The following PTPRD variants were observed in gnomAD, a reference collection of about 807,000 sequenced individuals.
The protein encoded by PTPRD is protein tyrosine phosphatase receptor type D, also known as receptor-type tyrosine-protein phosphatase delta.
Under a neutral mutation model 214.5 loss-of-function variants are expected in PTPRD, and 34 were observed. The ratio of observed to expected loss-of-function variants is 0.16; its 90% confidence interval spans 0.12 to 0.21. The LOEUF (loss-of-function observed/expected upper bound fraction) is 0.21, where lower values mean the gene tolerates loss of function less well. Among genes scored for constraint, PTPRD ranks in the 10% least tolerant of loss-of-function variants. The probability of loss-of-function intolerance (pLI) is 1.00; values close to 1 mark genes in which losing one functional copy is unlikely to be tolerated. For synonymous variants in PTPRD, 1,128 were observed against 845.7 expected (o/e 1.33, Z -5.79); for missense variants, 2,545 against 2,398.7 (o/e 1.06, Z -1.27).
intron 8 of PTPRD, among the ~76,000 whole-genome samples, chr9:9,451,666 T>G (rs1296610060): frequency 6.6e-6 from 1 of 151,560 alleles, no homozygotes; most frequent in East Asian, 1.9e-4. Context: ...ATATAAAAAT[T>G]AACAACCAAA....
chr9:10,207,120 C>T (rs2099486902), intron 3 of PTPRD, among the ~76,000 whole-genome samples: 1 of 152,014 alleles, frequency 6.6e-6, no homozygotes, highest in South Asian at 2.1e-4. Context: ...ATAGAATATA[C>T]CCAGCATCCC....
chr9:8,599,719 C>G (rs1017944408), intron 14 of PTPRD, among the ~76,000 whole-genome samples: 2 of 148,776 alleles, frequency 1.3e-5, no homozygotes, highest in Non-Finnish European at 3.0e-5. Context: ...TGGGTTGAAG[C>G]GATTCTCCTG....
rs929402509 is a variant in PTPRD, at chr9:8,535,472, T to C, written c.353-6693A>G. Among the ~76,000 whole-genome samples, 5 of 152,062 alleles carry C rather than the reference T, an allele frequency of 3.3e-5. No individual in the cohort carries two copies. The South Asian group carries it at 8.3e-4, about 25-fold the overall frequency. On this transcript the variant is annotated intron_variant, in intron 14 of 45. Transcript: ENST00000381196. ...AATAAATAAAATCCATATTGTCAGA[T>C]GATTTGTTCCTAAAAATGAATTTTA...
chr9:9,943,887 C>G (rs2092105707), intron 4 of PTPRD, among the ~76,000 whole-genome samples: 1 of 152,160 alleles, frequency 6.6e-6, no homozygotes, highest in South Asian at 2.1e-4. Context: ...TCATCCCAAT[C>G]TGCAAATTGC....
chr9:8,842,094 G>GA (rs1457796059), intron 11 of PTPRD, among the ~76,000 whole-genome samples: 2 of 150,346 alleles, frequency 1.3e-5, no homozygotes, highest in Non-Finnish European at 3.0e-5. Flanking sequence ...CAATGAGAAT[G>GA]AAAAAACAAC....
intron 3 of PTPRD, among the ~76,000 whole-genome samples, chr9:10,035,502 T>C (rs1393443595): frequency 1.3e-5 from 2 of 152,198 alleles, no homozygotes; most frequent in African/African-American, 4.8e-5. Context: ...CATGAAATCT[T>C]TGCCCACGCC....
At chr9:10,254,203 G>T (rs189423751) in intron 3 of PTPRD, among the ~76,000 whole-genome samples, 5 of 152,172 alleles carry the variant, frequency 3.3e-5, no homozygotes, top group Admixed American at 3.3e-4. Flanking sequence ...GATATTTATT[G>T]TAAGTTGGCA....
intron 2 of PTPRD, among the ~76,000 whole-genome samples, chr9:10,401,993 C>T (rs994980451): frequency 6.6e-6 from 1 of 151,060 alleles, no homozygotes; most frequent in African/African-American, 2.4e-5. Context: ...GAATAAAACA[C>T]CCTATAAGAA....
At chr9:9,674,588 G>A (rs1379681658) in intron 7 of PTPRD, among the ~76,000 whole-genome samples, 1 of 151,576 alleles carries the variant, frequency 6.6e-6, no homozygotes, top group Non-Finnish European at 1.5e-5. Flanking sequence ...TAAGAAAAGA[G>A]AAAGATTAAA....
At chr9:9,782,146 G>T (rs556980182) in intron 5 of PTPRD, among the ~76,000 whole-genome samples, 33 of 152,132 alleles carry the variant, frequency 2.2e-4, no homozygotes, top group African/African-American at 7.2e-4. Context: ...CCCGGTGGTT[G>T]CTTGGTTTCT....
intron 13 of PTPRD, 114 bp from the exon 14 acceptor site, chr9:8,633,572 T>C (rs1412029361): frequency 1.5e-5 from 18 of 1,220,300 alleles, no homozygotes; most frequent in Non-Finnish European, 2.1e-5. Flanking sequence ...CTAGGCATCA[T>C]TCTGAAACTG....
chr9:9,885,065 G>C (rs897173597), intron 5 of PTPRD, among the ~76,000 whole-genome samples: 7 of 152,024 alleles, frequency 4.6e-5, no homozygotes, highest in Non-Finnish European at 1.5e-5. Flanking sequence ...AGTAAAACTG[G>C]TGCCTGTAGT....
intron 11 of PTPRD, among the ~76,000 whole-genome samples, chr9:8,959,929 C>G (rs186468243): frequency 2.6e-5 from 4 of 152,026 alleles, no homozygotes; most frequent in African/African-American, 9.7e-5. Flanking sequence ...GAGTACCTCA[C>G]CTATCATGTG....
intron 39 of PTPRD, among the ~76,000 whole-genome samples, chr9:8,353,219 T>C (rs1218140915): frequency 6.6e-6 from 1 of 152,198 alleles, no homozygotes; most frequent in African/African-American, 2.4e-5. Context: ...TGTCCTTTTG[T>C]TTGACTCCTG....
intron 2 of PTPRD, among the ~76,000 whole-genome samples, chr9:10,363,991 G>GTTTTTTTGTTGCTTTTTTTT (rs1485501417): frequency 1.4e-4 from 5 of 35,132 alleles, no homozygotes; most frequent in Admixed American, 2.9e-4. Flanking sequence ...ACATTTTCGG[G>GTTTTTTTGTTGCTTTTTTTT]TTTTTTTTTT....
rs145654851 is a variant in PTPRD at position 9,895,414 on chromosome 9, C to G, written c.-368+43093G>C. ...AGACCTTATATGTATCTGAATAGTT[C>G]AATAGAATGTTTGATAAATTTTTCT... is the stretch of plus-strand genomic sequence containing the variant. On this transcript the variant is annotated intron_variant, in intron 5 of 45. Coordinates refer to ENST00000381196, the MANE Select transcript of PTPRD (RefSeq NM_002839.4). Among the ~76,000 whole-genome samples, 138 of 152,032 alleles carry G rather than the reference C, an allele frequency of 9.1e-4. 2 individuals carry two copies. The highest frequency in any genetic ancestry group is 3.2e-3 in the African/African-American group (134 of 41,532).
chr9:8,409,606 G>C (rs1048965626), intron 35 of PTPRD, among the ~76,000 whole-genome samples: 1 of 152,120 alleles, frequency 6.6e-6, no homozygotes, highest in African/African-American at 2.4e-5. Flanking sequence ...TTATCTTAAA[G>C]CAAAGTCCTT....
At chr9:8,807,968 T>C (rs936619310) in intron 11 of PTPRD, among the ~76,000 whole-genome samples, 1 of 152,214 alleles carries the variant, frequency 6.6e-6, no homozygotes. Context: ...AAGTTCTACA[T>C]AAATTAGAAA....
At chr9:9,141,201 C>G (rs1162542884) in intron 10 of PTPRD, among the ~76,000 whole-genome samples, 6 of 144,208 alleles carry the variant, frequency 4.2e-5, no homozygotes, top group Non-Finnish European at 6.1e-5. Context: ...TCTCCATCTG[C>G]TTGCTTCCCT....
Sources: allele counts gnomAD v4.1 joint callset (sites outside exome capture counted in the v4.1 genomes callset), GRCh38; gene constraint gnomAD v4.1.1; transcripts MANE v1.5; gene names NCBI Gene and HGNC (gene_info 2026-07-23, HGNC 2026-07-21).